AVIL: variants seen among roughly 807,000 people sequenced by gnomAD.
The protein encoded by AVIL is advillin.
A neutral mutation model predicts 109.9 loss-of-function variants in AVIL; 78 were observed. The ratio of observed to expected loss-of-function variants is 0.71; its 90% CI spans 0.59 to 0.86. The LOEUF is 0.86. Among genes scored for constraint, AVIL ranks in the 40% least tolerant of loss-of-function variants. AVIL has a pLI of 0.00. For synonymous variants in AVIL, 367 were observed against 379.1 expected (o/e 0.97, Z 0.37); for missense variants, 892 against 1,016.5 (o/e 0.88, Z 1.67).
At chr12:57,815,489 G>A in intron 2 of AVIL, 18 of 995,386 alleles carry the variant, frequency 1.8e-5, no homozygotes, top group Non-Finnish European at 2.3e-5. Flanking sequence ...TCCCAGCTAT[G>A]GATTGCTGGA....
In AVIL at chr12:57,803,359, C is replaced by G. The variant is rs757001015; in HGVS notation, c.1850G>C (p.Arg617Pro). The G allele has an allele frequency of 3.7e-6, 6 of 1,614,156 alleles. 1 individual carries two copies. The South Asian group carries it at 6.6e-5, about 18-fold the overall frequency. ...GGTCTTATTGGAACATTCAAAGAGA[C>G]GAGACTGGACATCTAGGATTTCCTG... ...LQQEILDVQS[R>P]LFECSNKTGQ... Residue 617 changes from arginine (R) to proline (P), a missense_variant, in exon 16 of 20, where the codon CGT becomes CCT. Transcript: ENST00000549994.
intron 16 of AVIL, 89 bp downstream of exon 16, chr12:57,803,158 G>C: frequency 1.3e-6 from 2 of 1,518,510 alleles, no homozygotes; most frequent in Non-Finnish European, 1.8e-6. Context: ...GGGCTACCCT[G>C]GGTTTATTCT....
Position 57,803,386 on chromosome 12 carries a change from T to C in AVIL, c.1823A>G (p.Gln608Arg), listed in dbSNP as rs201495811. Residue 608 changes from glutamine (Q) to arginine (R), a missense_variant, in exon 16 of 20, where the codon CAG becomes CGG. Transcript: ENST00000549994. Reference protein sequence around the residue: ...KTPYANDKRLQQEILDVQSRL... With the variant: ...KTPYANDKRLRQEILDVQSRL... ...AGACTGGACATCTAGGATTTCCTGC[T>C]GAAGTCTGCAATATAGTCCATTTAA... is the stretch of plus-strand genomic sequence containing the variant. The C allele has an allele frequency of 5.8e-5, 94 of 1,614,236 alleles. No individual in the cohort carries two copies. In the East Asian group the frequency reaches 2.0e-3, roughly 34 times the overall value.
intron 19 of AVIL, among the ~76,000 whole-genome samples, chr12:57,799,576 G>A (rs1381969851): frequency 6.6e-6 from 1 of 152,204 alleles, no homozygotes; most frequent in African/African-American, 2.4e-5. Context: ...GCAGAGAAAT[G>A]GAAGAGGAGT....
In AVIL at chr12:57,810,924, C is replaced by T. The variant is rs199864305; in HGVS notation, c.450G>A (p.Val150=). ...KGKRNIRATE[V]EMSWDSFNRG... ...GGTTGAAACTGTCCCAGCTCATTTC[C>T]ACCTGTCGATGAGAGGTAAACATTG... Residue 150 remains valine (V), a splice_region_variant and synonymous_variant, in exon 6 of 20, where the codon GTG becomes GTA. Coordinates refer to ENST00000549994, the MANE Select transcript of AVIL (RefSeq NM_006576.4). 14 of 1,614,172 alleles carry T rather than the reference C, an allele frequency of 8.7e-6. No individual in the cohort carries two copies. The highest frequency in any genetic ancestry group is 1.1e-5 in the Non-Finnish European group (13 of 1,180,016).
At position 57,797,602 on chromosome 12, in the gene AVIL, C is replaced by G; in HGVS notation, c.*280G>C. On this transcript the variant is annotated 3_prime_UTR_variant, in exon 20 of 20. Coordinates refer to ENST00000549994, the MANE Select transcript of AVIL (RefSeq NM_006576.4). Reference sequence around the variant, plus strand: ...TAAGCATTGTTTTTTGGTTCTCTTTCTTTTGATTTCTCCAGATTTATGCAG... The same window carrying G: ...TAAGCATTGTTTTTTGGTTCTCTTTGTTTTGATTTCTCCAGATTTATGCAG... 2.2e-6 allele frequency: 2 copies of G among 929,062 alleles called. No individual in the cohort carries two copies. Among genetic ancestry groups the G allele is most frequent in the South Asian group, 5.1e-5 (1 of 19,744 alleles). The allele number at this position is 929,062 out of a possible 1,614,324, so 57.6% of individuals were successfully genotyped here.
At chr12:57,810,313 C>T (rs745926774) in intron 7 of AVIL, 36 bp downstream of exon 7, 1 of 1,610,304 alleles carries the variant, frequency 6.2e-7, no homozygotes, top group Middle Eastern at 1.7e-4. Context: ...TCCCCCCAAC[C>T]CCAGCTTCCA....
chr12:57,799,159 G>A (rs964710555), intron 19 of AVIL, among the ~76,000 whole-genome samples: 1 of 152,192 alleles, frequency 6.6e-6, no homozygotes, highest in Non-Finnish European at 1.5e-5. Context: ...TCCCTGGGGA[G>A]GTGATATTAG....
intron 19 of AVIL, among the ~76,000 whole-genome samples, chr12:57,799,546 A>G (rs1442259441): frequency 6.6e-6 from 1 of 152,256 alleles, no homozygotes; most frequent in African/African-American, 2.4e-5. Flanking sequence ...GTAGTCCATG[A>G]TAGCTGGACT....
intron 9 of AVIL, 36 bp from the exon 10 acceptor site, chr12:57,808,584 G>C: frequency 1.2e-6 from 2 of 1,609,760 alleles, no homozygotes; most frequent in Non-Finnish European, 1.7e-6. Flanking sequence ...CAGGTCAGTG[G>C]TGGAATACAC....
chr12:57,806,468 G>A lies in AVIL; in HGVS notation c.1563C>T (p.Asp521=). 1 of 1,614,104 alleles carries A rather than the reference G, an allele frequency of 6.2e-7. No homozygotes were observed. The highest frequency in any genetic ancestry group is 1.3e-5 in the African/African-American group (1 of 75,020). ...PVRLFQIHGN[D]KSNTKAVEVP... is the part of the protein sequence containing the mutation. ...CTTCCACTGCTTTGGTGTTAGATTT[G>A]TCATTTCCATGAATTTGGAAGAGTC... The change falls in exon 14 of 20, where the codon GAC becomes GAT. Residue 521 remains aspartate, a synonymous_variant. Coordinates refer to ENST00000549994, the MANE Select transcript of AVIL (RefSeq NM_006576.4).
In AVIL at chr12:57,797,874, T is replaced by G. The variant is rs770048756; in HGVS notation, c.*8A>C. 10 of 1,607,158 alleles carry G rather than the reference T, an allele frequency of 6.2e-6. No homozygotes were observed. The East Asian group carries it at 2.2e-4, about 36-fold the overall frequency. ...TGTGGCCTTGCAATAGGTATAGGCC[T>G]TCTTGCTTTAGAAAAGCCCCTTTTC... On this transcript the variant is annotated 3_prime_UTR_variant, in exon 20 of 20. Transcript: ENST00000549994.
At chr12:57,814,368 TGC>T in intron 2 of AVIL, 142 bp from the exon 3 acceptor site, 3 of 805,152 alleles carry the variant, frequency 3.7e-6, no homozygotes, top group Non-Finnish European at 3.9e-6. Context: ...GATGTGAGGC[TGC>T]CAGCCACAGG....
At chr12:57,806,925 T>C (rs905958509) in intron 13 of AVIL, among the ~76,000 whole-genome samples, 2 of 152,286 alleles carry the variant, frequency 1.3e-5, no homozygotes, top group Non-Finnish European at 2.9e-5. Flanking sequence ...TACGCATTGC[T>C]TGGTAGTGCT....
intron 11 of AVIL, 48 bp from the exon 12 acceptor site, chr12:57,807,775 G>C: frequency 5.0e-6 from 8 of 1,612,208 alleles, no homozygotes; most frequent in Non-Finnish European, 6.8e-6. Context: ...GGTGCTGAGA[G>C]GGGCTAGGCC....
chr12:57,800,279 G>A, intron 18 of AVIL: 1 of 188,182 alleles, frequency 5.3e-6, no homozygotes, highest in Non-Finnish European at 1.1e-5. Context: ...TTAGGTTGTA[G>A]TCCTACTTAA....
chr12:57,815,802 T>G, intron 2 of AVIL, 173 bp downstream of exon 2: 1 of 1,491,434 alleles, frequency 6.7e-7, no homozygotes, highest in Non-Finnish European at 8.9e-7. Context: ...AACCACCTGC[T>G]TTGAGCACCC....
Position 57,803,540 on chromosome 12 carries a change from A to G in AVIL, c.1801T>C (p.Tyr601His), listed in dbSNP as rs200519392. 89 of 1,614,208 alleles carry G rather than the reference A, an allele frequency of 5.5e-5. No homozygotes were observed. In the East Asian group the frequency reaches 1.9e-3, roughly 34 times the overall value. The change falls in exon 15 of 20, where the codon TAT (tyrosine) becomes CAT (histidine). Residue 601 changes from tyrosine to histidine, a missense_variant. By Grantham distance (83) the Tyr-to-His change is moderately conservative. Transcript: ENST00000549994. ...TTCCCATACCTTTTATCATTGGCAT[A>G]GGGAGTTTTCCCTCCCAGTAGGTCC... ...FWDLLGGKTPYANDKRLQQEI... is the reference protein window; with the variant it reads ...FWDLLGGKTPHANDKRLQQEI...
At position 57,806,342 on chromosome 12, in the gene AVIL, G is replaced by A. The variant is rs944740649; in HGVS notation, c.1671+18C>T. The A allele has an allele frequency of 6.8e-6, 11 of 1,613,442 alleles. No individual in the cohort carries two copies. Among genetic ancestry groups the A allele is most frequent in the African/African-American group, 2.7e-5 (2 of 74,830 alleles). On this transcript the variant is annotated intron_variant, in intron 14 of 19. Transcript: ENST00000549994. ...GGGCTCCGAGGGGCTGGTCTGACCCGGGGCCCAGCCATCCTACCTTGCCAT... is the reference window on the plus strand; with the variant it reads ...GGGCTCCGAGGGGCTGGTCTGACCCAGGGCCCAGCCATCCTACCTTGCCAT...
Sources: allele counts gnomAD v4.1 joint callset (sites outside exome capture counted in the v4.1 genomes callset), GRCh38; gene constraint gnomAD v4.1.1; transcripts MANE v1.5; gene names NCBI Gene and HGNC (gene_info 2026-07-23, HGNC 2026-07-21).